The following OR10R2 variants were observed in gnomAD, a reference collection of about 807,000 sequenced individuals.
OR10R2 encodes olfactory receptor 10R2.
A neutral mutation model predicts 2.4 loss-of-function variants in OR10R2; 1 was observed. That is an observed-to-expected ratio of 0.41 (90% CI 0.15 to 1.95). The LOEUF is 1.95. Among genes scored for constraint, OR10R2 ranks in the 30% most tolerant of loss-of-function variants. The pLI, the probability that OR10R2 is intolerant of heterozygous loss-of-function variation, is 0.30. For missense variants in OR10R2, 419 were observed against 373.0 expected (o/e 1.12, Z -1.01); for synonymous variants, 166 against 144.8 (o/e 1.15, Z -1.05).
chr1:158,472,582 A>G (rs576032148), intron 1 of OR10R2, among the ~76,000 whole-genome samples: 78 of 152,342 alleles, frequency 5.1e-4, no homozygotes, highest in Middle Eastern at 6.8e-3. Context: ...GATGGCTTGC[A>G]GAAATTAAAT....
intron 1 of OR10R2, among the ~76,000 whole-genome samples, chr1:158,479,235 A>G (rs938483420): frequency 6.6e-6 from 1 of 152,162 alleles, no homozygotes; most frequent in Non-Finnish European, 1.5e-5. Context: ...TATAAATTTT[A>G]TAATCATCTT....
At chr1:158,479,594 A>G (rs1246038238) in intron 1 of OR10R2, among the ~76,000 whole-genome samples, 1 of 152,196 alleles carries the variant, frequency 6.6e-6, no homozygotes, top group Non-Finnish European at 1.5e-5. Context: ...AGAATATGTT[A>G]GATTATACAA....
intron 1 of OR10R2, 179 bp from the exon 2 acceptor site, chr1:158,479,759 T>G (rs1177531895): frequency 1.6e-6 from 1 of 643,834 alleles, no homozygotes; most frequent in African/African-American, 1.8e-5. Context: ...CTTTGTTGAC[T>G]TTGAAGATGG....
At chr1:158,472,700 T>G (rs962413602) in intron 1 of OR10R2, among the ~76,000 whole-genome samples, 1 of 152,186 alleles carries the variant, frequency 6.6e-6, no homozygotes, top group Admixed American at 6.5e-5. Flanking sequence ...CAAATTGCAG[T>G]CTACAAATAC....
At chr1:158,479,869 A>C (rs770323084) in intron 1 of OR10R2, 69 bp from the exon 2 acceptor site, 2 of 1,546,454 alleles carry the variant, frequency 1.3e-6, no homozygotes. Flanking sequence ...GAAAGGAACA[A>C]AGGAGTGCAT....
exon 2 of OR10R2, chr1:158,480,293 G>T (rs865946724): frequency 1.9e-6 from 3 of 1,613,948 alleles, no homozygotes; most frequent in Non-Finnish European, 2.5e-6. Context: ...GGTGTGATGG[G>T]TTATGATCGC....
chr1:158,480,065 T>A, exon 2 of OR10R2: 2 of 1,613,982 alleles, frequency 1.2e-6, no homozygotes, highest in Non-Finnish European at 1.7e-6. Context: ...AGTGGCAATG[T>A]CACCATTATC....
chr1:158,473,916 CT>C (rs567082526), intron 1 of OR10R2, among the ~76,000 whole-genome samples: 31 of 131,054 alleles, frequency 2.4e-4, no homozygotes, highest in African/African-American at 6.3e-4. Flanking sequence ...TGCTTCCTTC[CT>C]TCCCTCCCTC....
At chr1:158,478,313 A>T (rs1338122957) in intron 1 of OR10R2, among the ~76,000 whole-genome samples, 1 of 152,182 alleles carries the variant, frequency 6.6e-6, no homozygotes, top group Non-Finnish European at 1.5e-5. Flanking sequence ...AGTGGGAGCT[A>T]ATTAAACTAG....
intron 1 of OR10R2, among the ~76,000 whole-genome samples, chr1:158,478,305 T>C (rs1656309875): frequency 6.6e-6 from 1 of 152,124 alleles, no homozygotes; most frequent in South Asian, 2.1e-4. Flanking sequence ...AATTCATAAG[T>C]GGGAGCTAAT....
intron 1 of OR10R2, among the ~76,000 whole-genome samples, chr1:158,472,573 ATGGCTTGCAGAAATTAAAT>A (rs1409601193): frequency 2.0e-5 from 3 of 152,224 alleles, no homozygotes; most frequent in South Asian, 4.1e-4. Context: ...TATTCCATAG[ATGGCTTGCAGAAATTAAAT>A]TATCTAAAAT....
At chr1:158,475,778 G>A (rs1027362389) in intron 1 of OR10R2, among the ~76,000 whole-genome samples, 1 of 151,288 alleles carries the variant, frequency 6.6e-6, no homozygotes, top group South Asian at 2.1e-4. Context: ...TTTACGTTTA[G>A]CTTTTCAAAT....
chr1:158,480,449 C>T (rs772100056), exon 2 of OR10R2: 1 of 1,613,928 alleles, frequency 6.2e-7, no homozygotes, highest in Non-Finnish European at 8.5e-7. Flanking sequence ...TTTTGTAGCG[C>T]CAACAAAGTC....
chr1:158,473,765 T>TTCCTTCTTCCTTCCTTCCTCCCTCCC (rs1557874936), intron 1 of OR10R2, among the ~76,000 whole-genome samples: 2 of 72,858 alleles, frequency 2.7e-5, no homozygotes, highest in Non-Finnish European at 5.8e-5. Context: ...TTATCCTTCC[T>TTCCTTCTTCCTTCCTTCCTCCCTCCC]TCCTTCCTTC....
intron 1 of OR10R2, among the ~76,000 whole-genome samples, chr1:158,475,510 A>G (rs993231398): frequency 6.6e-6 from 1 of 151,984 alleles, no homozygotes; most frequent in Non-Finnish European, 1.5e-5. Flanking sequence ...TATTTTTAAC[A>G]TAAATTTTTA....
chr1:158,480,864 T>TTCTC lies in OR10R2; in HGVS notation c.956_959dup (p.Lys321SerfsTer5), dbSNP rs1224038100. On this transcript the variant is annotated frameshift_variant, in exon 2 of 2. Transcript: ENST00000641067. LOFTEE classifies it high-confidence loss of function. The stretch of plus-strand genomic sequence containing the variant: ...TCAGAAAAGTGTTGGGCAAGAAAGG[T>TTCTC]TCTCTAAAACTATATAATTGAAATA... 2 of 1,493,404 alleles carry TTCTC rather than the reference T, an allele frequency of 1.3e-6. No homozygotes were observed. Among genetic ancestry groups the TTCTC allele is most frequent in the Admixed American group, 4.0e-5 (2 of 50,234 alleles). 92.5% of individuals were successfully genotyped at this position (1,493,404 alleles called of 1,614,324 possible).
At chr1:158,480,827 T>A (rs1243326626) in exon 2 of OR10R2, 1 of 1,599,954 alleles carries the variant, frequency 6.3e-7, no homozygotes, top group African/African-American at 1.3e-5. Context: ...AACAAGGATG[T>A]CCAACTTGCT....
At chr1:158,480,806 A>C (rs1006789326) in exon 2 of OR10R2, 2 of 1,611,404 alleles carry the variant, frequency 1.2e-6, no homozygotes, top group African/African-American at 1.3e-5. Flanking sequence ...CCCATGGTTT[A>C]TAGCCTCAGA....
exon 2 of OR10R2, chr1:158,480,812 T>A: frequency 6.2e-7 from 1 of 1,609,270 alleles, no homozygotes; most frequent in Non-Finnish European, 8.5e-7. Flanking sequence ...GTTTATAGCC[T>A]CAGAAACAAG....
Sources: gnomAD v4.1 joint callset for allele counts (sites outside exome capture counted in the v4.1 genomes callset) on GRCh38, gnomAD v4.1.1 for gene constraint, MANE v1.5 for transcripts, NCBI Gene and HGNC (gene_info 2026-07-23, HGNC 2026-07-21) for gene names.